The following TCF7L2 variants were observed in gnomAD, a reference collection of about 807,000 sequenced individuals.
TCF7L2 encodes transcription factor 7-like 2.
TCF7L2 carries 23 observed loss-of-function variants against 77.9 expected under a neutral mutation model. The observed-to-expected ratio is 0.30, with a 90% CI of 0.21 to 0.42. The LOEUF (loss-of-function observed/expected upper bound fraction) is 0.42. Ranked by LOEUF, TCF7L2 falls within the 10% of genes least tolerant of loss-of-function variation. The pLI is 1.00. For missense variants in TCF7L2, 654 were observed against 793.1 expected, an observed-to-expected ratio of 0.82 and a Z score of 2.11; for synonymous variants, 413 against 340.2, an observed-to-expected ratio of 1.21 and a Z score of -2.36.
intron 4 of TCF7L2, among the ~76,000 whole-genome samples, chr10:112,981,441 A>G (rs953834944): frequency 8.5e-5 from 13 of 152,148 alleles, no homozygotes; most frequent in African/African-American, 3.1e-4. Flanking sequence ...TGATTTTGTC[A>G]TTTTAGGATC....
In TCF7L2 at chr10:113,165,722, C is replaced by A. The variant is rs1303828031; in HGVS notation, c.1559C>A (p.Ser520Tyr). 1.9e-6 allele frequency: 3 copies of A among 1,612,642 alleles called. No homozygotes were observed. The highest frequency in any genetic ancestry group is 2.5e-6 in the Non-Finnish European group (3 of 1,179,522). Residue 520 changes from serine to tyrosine, a missense_variant, in exon 14 of 14, where the codon TCC (serine) becomes TAC (tyrosine). Transcript: ENST00000627217. ...GAGCAGACCCAGCCTCTGTCGCTGTCCCTGAAGCCCGACCCCCTGGCCCAC... is the reference window on the plus strand; with the variant it reads ...GAGCAGACCCAGCCTCTGTCGCTGTACCTGAAGCCCGACCCCCTGGCCCAC...
chr10:112,977,236 C>T (rs568352806), intron 4 of TCF7L2, among the ~76,000 whole-genome samples: 3 of 152,140 alleles, frequency 2.0e-5, no homozygotes, highest in African/African-American at 7.2e-5. Flanking sequence ...TCTTCCAAGG[C>T]TTGAAAATGG....
intron 5 of TCF7L2, among the ~76,000 whole-genome samples, chr10:113,066,011 A>G (rs755769458): frequency 1.3e-5 from 2 of 152,342 alleles, no homozygotes; most frequent in East Asian, 1.9e-4. Flanking sequence ...TTCAAGGAGC[A>G]TGAGAATTAC....
chr10:113,085,168 C>T (rs1457035866), intron 5 of TCF7L2, among the ~76,000 whole-genome samples: 2 of 151,834 alleles, frequency 1.3e-5, no homozygotes, highest in African/African-American at 2.4e-5. Flanking sequence ...CCAGGCTTAA[C>T]CAAACCTTTC....
chr10:113,152,486 T>C (rs779487215), intron 11 of TCF7L2, 46 bp downstream of exon 11: 11 of 1,509,582 alleles, frequency 7.3e-6, no homozygotes, highest in South Asian at 1.2e-5. Context: ...AGAGCTGTGT[T>C]GTGCGTCTAT....
At chr10:113,070,295 T>G (rs1389921926) in intron 5 of TCF7L2, among the ~76,000 whole-genome samples, 1 of 99,156 alleles carries the variant, frequency 1.0e-5, no homozygotes, top group Non-Finnish European at 2.1e-5. Flanking sequence ...ATATATGAAT[T>G]AATTAATTTA....
chr10:113,081,795 T>A (rs1303172694), intron 5 of TCF7L2, among the ~76,000 whole-genome samples: 1 of 152,178 alleles, frequency 6.6e-6, no homozygotes, highest in Non-Finnish European at 1.5e-5. Flanking sequence ...AAAGACTTGA[T>A]TTAATGTTAG....
chr10:113,132,469 T>C (rs564148721), intron 5 of TCF7L2, among the ~76,000 whole-genome samples: 1 of 152,356 alleles, frequency 6.6e-6, no homozygotes, highest in South Asian at 2.1e-4. Context: ...TAAAATTTAC[T>C]CTAAATCAAA....
intron 5 of TCF7L2, among the ~76,000 whole-genome samples, chr10:113,091,086 G>A (rs921162844): frequency 1.3e-5 from 2 of 152,096 alleles, no homozygotes; most frequent in African/African-American, 4.8e-5. Context: ...ATTTTTAATA[G>A]AGACAGGGTT....
intron 4 of TCF7L2, among the ~76,000 whole-genome samples, chr10:113,038,141 C>A (rs951460841): frequency 3.9e-5 from 6 of 152,224 alleles, no homozygotes; most frequent in African/African-American, 1.4e-4. Context: ...AAGGGGGTTC[C>A]TGTTGGTATT....
intron 8 of TCF7L2, 124 bp from the exon 9 acceptor site, chr10:113,150,874 G>T (rs2070614536): frequency 1.5e-6 from 2 of 1,292,964 alleles, no homozygotes; most frequent in South Asian, 3.0e-5. Context: ...GGTTTCATAT[G>T]CCTTGGGTTG....
intron 4 of TCF7L2, among the ~76,000 whole-genome samples, chr10:113,008,089 C>G (rs1408650844): frequency 3.3e-5 from 5 of 152,194 alleles, no homozygotes; most frequent in African/African-American, 1.2e-4. Context: ...ATCGTCTTCT[C>G]CACTTGATCT....
intron 4 of TCF7L2, among the ~76,000 whole-genome samples, chr10:113,013,574 A>AT: frequency 6.6e-6 from 1 of 152,262 alleles, no homozygotes; most frequent in Non-Finnish European, 1.5e-5. Context: ...GGATTTAAAG[A>AT]TTTTTTTGGT....
intron 13 of TCF7L2, among the ~76,000 whole-genome samples, chr10:113,165,171 A>G (rs2073904591): frequency 6.6e-6 from 1 of 152,212 alleles, no homozygotes. Flanking sequence ...TGTCTAAGCC[A>G]AAAGAGCTTT....
rs142834223 is a variant in TCF7L2 at position 113,049,850 on chromosome 10, C to T, written c.552+9724C>T. ...CTAAGCCCAGGCACTGGCCATGCTT[C>T]GAGTGGAGCTTTTGTGCTGGTGGAG... On this transcript the variant is annotated intron_variant, in intron 5 of 13. Transcript: ENST00000627217. Among the ~76,000 whole-genome samples, 64 of 152,286 alleles carry T rather than the reference C, an allele frequency of 4.2e-4. 1 individual carries two copies. In the East Asian group the frequency reaches 0.011, roughly 27 times the overall value.
intron 4 of TCF7L2, among the ~76,000 whole-genome samples, chr10:112,991,515 AAAAG>A (rs927611274): frequency 1.2e-4 from 18 of 144,846 alleles, no homozygotes; most frequent in Middle Eastern, 3.5e-3. Context: ...CTCAAAAAAA[AAAAG>A]AAAGAAAAAA....
At chr10:113,041,730 A>T (rs931698397) in intron 5 of TCF7L2, among the ~76,000 whole-genome samples, 3 of 151,834 alleles carry the variant, frequency 2.0e-5, no homozygotes, top group Non-Finnish European at 4.4e-5. Context: ...TTTTTTTTTA[A>T]AAAAGTGTGA....
chr10:112,999,556 G>A (rs1021445306), intron 4 of TCF7L2, among the ~76,000 whole-genome samples: 2 of 152,188 alleles, frequency 1.3e-5, no homozygotes, highest in African/African-American at 4.8e-5. Context: ...TCTCTGTGAG[G>A]GGCTTGAACA....
intron 4 of TCF7L2, among the ~76,000 whole-genome samples, chr10:112,969,623 T>A (rs935630255): frequency 1.3e-5 from 2 of 152,228 alleles, no homozygotes; most frequent in Admixed American, 6.5e-5. Context: ...GTTAGGTATG[T>A]GAGTGATACG....
Sources: allele counts gnomAD v4.1 joint callset (sites outside exome capture counted in the v4.1 genomes callset), GRCh38; gene constraint gnomAD v4.1.1; transcripts MANE v1.5; gene names NCBI Gene and HGNC (gene_info 2026-07-23, HGNC 2026-07-21).